COL23A1: variants seen among roughly 807,000 people sequenced by gnomAD.
COL23A1 encodes collagen alpha-1(XXIII) chain.
COL23A1 carries 97 observed loss-of-function variants against 99.3 expected under a neutral mutation model. The observed-to-expected ratio is 0.98, with a 90% CI of 0.83 to 1.16. The LOEUF is 1.16. Among genes scored for constraint, COL23A1 ranks in the 50% most tolerant of loss-of-function variants. The probability of loss-of-function intolerance (pLI) is 0.00; values close to 1 mark genes in which losing one functional copy is unlikely to be tolerated. For missense variants in COL23A1, 762 were observed against 757.4 expected (o/e 1.01, Z -0.07); for synonymous variants, 320 against 308.2 (o/e 1.04, Z -0.40).
At chr5:178,326,876 C>T (rs971302523) in intron 2 of COL23A1, among the ~76,000 whole-genome samples, 15 of 152,198 alleles carry the variant, frequency 9.9e-5, no homozygotes, top group South Asian at 4.1e-4. Flanking sequence ...CCTGCCACCA[C>T]GCCTGGCTAA....
intron 3 of COL23A1, among the ~76,000 whole-genome samples, chr5:178,298,378 CCT>C (rs1383048243): frequency 6.6e-6 from 1 of 152,150 alleles, no homozygotes; most frequent in African/African-American, 2.4e-5. Flanking sequence ...AAGCTCTTAG[CCT>C]CTCTGGGAAC....
At chr5:178,323,908 A>G (rs934937970) in intron 2 of COL23A1, among the ~76,000 whole-genome samples, 3 of 152,214 alleles carry the variant, frequency 2.0e-5, no homozygotes, top group Non-Finnish European at 4.4e-5. Context: ...GTCCCAAGTC[A>G]CACAGCTGGA....
intron 18 of COL23A1, 53 bp downstream of exon 18, chr5:178,250,008 C>A (rs1561789430): frequency 1.3e-6 from 2 of 1,549,452 alleles, no homozygotes; most frequent in Non-Finnish European, 1.8e-6. Flanking sequence ...CACACACACA[C>A]AGAGCCCAAT....
intron 2 of COL23A1, among the ~76,000 whole-genome samples, chr5:178,437,857 A>G (rs1766647319): frequency 6.6e-6 from 1 of 152,132 alleles, no homozygotes; most frequent in Admixed American, 6.5e-5. Context: ...CAGGACCCCA[A>G]CCAGCAAGGG....
intron 2 of COL23A1, among the ~76,000 whole-genome samples, chr5:178,411,948 C>T (rs1255371802): frequency 1.3e-5 from 2 of 152,124 alleles, no homozygotes; most frequent in African/African-American, 2.4e-5. Flanking sequence ...GAGAATAAGT[C>T]GGCATCATTT....
chr5:178,484,940 T>C lies in COL23A1; in HGVS notation c.361+75742A>G, dbSNP rs1106071. ...CATATCGGAAGTGTCCCTTAGATGT[T>C]AGGTTCTGGCCAAGGACCCCCAGTG... On this transcript the variant is annotated intron_variant, in intron 2 of 28. Transcript: ENST00000390654. 5.5e-3 allele frequency among the ~76,000 whole-genome samples: 833 copies of C among 152,140 alleles called. 4 individuals carry two copies. Among genetic ancestry groups the C allele is most frequent in the Non-Finnish European group, 9.0e-3 (612 of 67,998 alleles).
intron 2 of COL23A1, among the ~76,000 whole-genome samples, chr5:178,358,339 ATG>A (rs369285563): frequency 6.0e-4 from 83 of 138,394 alleles, no homozygotes; most frequent in African/African-American, 1.4e-3. Flanking sequence ...TGTATGTCTA[ATG>A]TGTGTATTGT....
At chr5:178,467,633 G>A (rs567649635) in intron 2 of COL23A1, among the ~76,000 whole-genome samples, 1 of 152,282 alleles carries the variant, frequency 6.6e-6, no homozygotes, top group Admixed American at 6.5e-5. Context: ...GCAGCTGTGT[G>A]TTGCCAAATC....
chr5:178,246,017 G>A (rs1267316894), intron 24 of COL23A1, 49 bp from the exon 25 acceptor site: 1 of 1,606,314 alleles, frequency 6.2e-7, no homozygotes, highest in Admixed American at 1.7e-5. Flanking sequence ...GGGGTGCTGG[G>A]AGCACAGCTG....
At chr5:178,577,984 TAA>T (rs1215117221) in intron 1 of COL23A1, among the ~76,000 whole-genome samples, 1 of 152,110 alleles carries the variant, frequency 6.6e-6, no homozygotes, top group Non-Finnish European at 1.5e-5. Context: ...GGGGACCTTA[TAA>T]AGTCTCTCAC....
intron 2 of COL23A1, among the ~76,000 whole-genome samples, chr5:178,403,201 A>G (rs1380808438): frequency 1.3e-5 from 2 of 151,920 alleles, no homozygotes; most frequent in Non-Finnish European, 2.9e-5. Context: ...TGCACGCCAG[A>G]TGTGGTATAT....
chr5:178,301,032 T>C (rs62390193), intron 3 of COL23A1, among the ~76,000 whole-genome samples: 1 of 37,284 alleles, frequency 2.7e-5, no homozygotes, highest in Non-Finnish European at 6.1e-5. Context: ...CTTTGTTTCT[T>C]TCTCTCCTCT....
rs535028188 is a variant in COL23A1 at position 178,290,878 on chromosome 5, G to A, written c.407-509C>T. 2.0e-5 allele frequency among the ~76,000 whole-genome samples: 3 copies of A among 152,328 alleles called. No homozygotes were observed. The South Asian group carries it at 6.2e-4, about 32-fold the overall frequency. ...ATGCATGAGGAGTAGCAGGGCCTGG[G>A]GCTGCAGCTGAGGCTTGTCTACCAG... On this transcript the variant is annotated intron_variant, in intron 3 of 28. Coordinates refer to ENST00000390654, the MANE Select transcript of COL23A1 (RefSeq NM_173465.4).
At chr5:178,467,602 T>C (rs936593777) in intron 2 of COL23A1, among the ~76,000 whole-genome samples, 3 of 152,060 alleles carry the variant, frequency 2.0e-5, no homozygotes, top group Non-Finnish European at 2.9e-5. Context: ...TGTGTGGAAA[T>C]TCTCTAGGTC....
At chr5:178,267,948 C>T (rs1561808118) in intron 7 of COL23A1, among the ~76,000 whole-genome samples, 1 of 152,162 alleles carries the variant, frequency 6.6e-6, no homozygotes, top group Non-Finnish European at 1.5e-5. Context: ...CACAGCCCGG[C>T]AACTTGGCCA....
At chr5:178,517,781 C>T (rs1323686855) in intron 2 of COL23A1, among the ~76,000 whole-genome samples, 1 of 149,960 alleles carries the variant, frequency 6.7e-6, no homozygotes, top group East Asian at 2.0e-4. Flanking sequence ...AGGATGGTCT[C>T]GATCTCCTGA....
At position 178,560,688 on chromosome 5, in the gene COL23A1, G is replaced by A. The variant is rs542519231; in HGVS notation, c.355C>T (p.Pro119Ser). 5 of 1,612,984 alleles carry A rather than the reference G, an allele frequency of 3.1e-6. No individual in the cohort carries two copies. Among genetic ancestry groups the A allele is most frequent in the South Asian group, 1.1e-5 (1 of 90,722 alleles). Reference sequence around the variant, plus strand: ...GAGCTCAACCTTCACTTACCTGGGGGGCAGACACATTCGGATGGAGCTTCC... The same window carrying A: ...GAGCTCAACCTTCACTTACCTGGGGAGCAGACACATTCGGATGGAGCTTCC... ...AREAPSECVC[P>S]PGPPGRRGKP... Residue 119 changes from proline (P) to serine (S), a missense_variant, in exon 2 of 29, where the codon CCC (proline) becomes TCC (serine). By Grantham distance (74) the Pro-to-Ser change is moderately conservative. Transcript: ENST00000390654.
intron 2 of COL23A1, among the ~76,000 whole-genome samples, chr5:178,354,324 T>G (rs918920583): frequency 6.6e-6 from 1 of 152,182 alleles, no homozygotes; most frequent in African/African-American, 2.4e-5. Context: ...TCTTTCTGCC[T>G]CAGCCTCGAA....
chr5:178,570,261 G>A (rs760466857), intron 1 of COL23A1, among the ~76,000 whole-genome samples: 14 of 151,686 alleles, frequency 9.2e-5, no homozygotes, highest in African/African-American at 1.2e-4. Flanking sequence ...TACAGGTGCC[G>A]CCAAGTCAGG....
Sources: gnomAD v4.1 joint callset for allele counts (sites outside exome capture counted in the v4.1 genomes callset) on GRCh38, gnomAD v4.1.1 for gene constraint, MANE v1.5 for transcripts, NCBI Gene and HGNC (gene_info 2026-07-23, HGNC 2026-07-21) for gene names.